The following PSMD11 variants were observed in gnomAD, a reference collection of about 807,000 sequenced individuals.
PSMD11 encodes 26S proteasome non-ATPase regulatory subunit 11.
PSMD11 carries 5 observed loss-of-function variants against 62.3 expected under a neutral mutation model. That is an observed-to-expected ratio of 0.08 (90% CI 0.04 to 0.17). The LOEUF is 0.17. Ranked by LOEUF, PSMD11 falls within the 10% of genes least tolerant of loss-of-function variation. PSMD11 has a pLI of 1.00. For synonymous variants in PSMD11, 191 were observed against 191.8 expected (o/e 1.00, Z 0.03); for missense variants, 310 against 512.9 (o/e 0.60, Z 3.82).
Position 32,480,651 on chromosome 17 carries a change from C to G in PSMD11, c.*20C>G. 6.2e-7 allele frequency: 1 copy of G among 1,613,492 alleles called. No homozygotes were observed. Among genetic ancestry groups the G allele is most frequent in the Non-Finnish European group, 8.5e-7 (1 of 1,179,534 alleles). ...ACATAGGTGAGTGCTGGCTTCAGGA[C>G]CCCAGGGCTGGGCAGCTCTGTCTTC... On this transcript the variant is annotated intron_variant, in intron 13 of 13. Transcript: ENST00000261712.
chr17:32,462,780 A>G (rs181782122), intron 3 of PSMD11, among the ~76,000 whole-genome samples: 2 of 152,200 alleles, frequency 1.3e-5, no homozygotes, highest in East Asian at 3.9e-4. Flanking sequence ...TCCACCTCCC[A>G]GGTTCAAGGG....
intron 2 of PSMD11, among the ~76,000 whole-genome samples, chr17:32,452,690 T>C (rs577557142): frequency 6.6e-6 from 1 of 152,220 alleles, no homozygotes; most frequent in Non-Finnish European, 1.5e-5. Flanking sequence ...ATGGGCTCAG[T>C]CTGAACAAAG....
At chr17:32,447,108 T>A in intron 2 of PSMD11, 62 bp downstream of exon 2, 1 of 1,314,664 alleles carries the variant, frequency 7.6e-7, no homozygotes, top group African/African-American at 1.5e-5. Context: ...TTTGTTGGAG[T>A]GAAGAATCAT....
At position 32,482,238 on chromosome 17, in the gene PSMD11, A is replaced by G. The variant is rs980041371; in HGVS notation, c.*1486A>G. On this transcript the variant is annotated 3_prime_UTR_variant, in exon 14 of 14. Transcript: ENST00000261712. The stretch of plus-strand genomic sequence containing the variant: ...CTCCAAAATCAGGTTTTTGTTCTCA[A>G]CATCTTTCCCCATCATGTCTAGTCA... 5 of 152,176 alleles carry G rather than the reference A, an allele frequency of 3.3e-5. No individual in the cohort carries two copies. The highest frequency in any genetic ancestry group is 4.2e-4 in the South Asian group (2 of 4,816). The allele number at this position is 152,176 out of a possible 1,614,324, so 9.4% of individuals were successfully genotyped here. A position where few individuals can be genotyped will look rare whatever the true frequency, so the allele number is the denominator to read the frequency against.
chr17:32,464,402 A>G, intron 4 of PSMD11, 119 bp from the exon 5 acceptor site: 2 of 836,380 alleles, frequency 2.4e-6, no homozygotes, highest in Middle Eastern at 2.3e-4. Context: ...CTTATGCTGA[A>G]TTTGATGCTA....
At chr17:32,454,718 A>G (rs1331690184) in intron 3 of PSMD11, 99 bp downstream of exon 3, 2 of 1,320,482 alleles carry the variant, frequency 1.5e-6, no homozygotes, top group African/African-American at 1.5e-5. Context: ...TGGAAGGGAA[A>G]ACTGGGAGGA....
chr17:32,456,015 G>A (rs1364597061), intron 3 of PSMD11, among the ~76,000 whole-genome samples: 1 of 151,668 alleles, frequency 6.6e-6, no homozygotes, highest in Non-Finnish European at 1.5e-5. Flanking sequence ...GTGGTGGTGG[G>A]CGCCTGTAGT....
chr17:32,480,045 T>G (rs1908443035), intron 11 of PSMD11, 101 bp from the exon 12 acceptor site: 2 of 1,500,482 alleles, frequency 1.3e-6, no homozygotes, highest in Non-Finnish European at 1.9e-6. Flanking sequence ...CTATTTTGTT[T>G]TCAGTCCATT....
intron 2 of PSMD11, among the ~76,000 whole-genome samples, chr17:32,447,631 G>A (rs977716932): frequency 6.6e-6 from 1 of 152,144 alleles, no homozygotes; most frequent in Non-Finnish European, 1.5e-5. Context: ...AATGAGAAGG[G>A]AGTCCTTTTG....
At position 32,474,752 on chromosome 17, in the gene PSMD11, C is replaced by CT. The variant is rs755359309; in HGVS notation, c.789-5dup. On this transcript the variant is annotated splice_polypyrimidine_tract_variant and intron_variant, in intron 7 of 13. Transcript: ENST00000261712. ...ATCTGCAGCAATTGACCAAGTATGT[C>CT]TTTTTTTCTAGCCCAGAAGATGTCC... 5.6e-6 allele frequency: 9 copies of CT among 1,613,726 alleles called. No individual in the cohort carries two copies. The African/African-American group carries it at 8.0e-5, about 14-fold the overall frequency.
In PSMD11 at chr17:32,480,209, T is replaced by G; in HGVS notation, c.1126+12T>G. On this transcript the variant is annotated intron_variant, in intron 12 of 13. Coordinates refer to ENST00000261712, the MANE Select transcript of PSMD11 (RefSeq NM_002815.4). ...CAAGAAATTTCATGGTAAGTAACAG[T>G]CACACAGGCAAGGGGGCTGGTGGTG... The G allele has an allele frequency of 6.2e-7, 1 of 1,609,828 alleles. No individual in the cohort carries two copies. Among genetic ancestry groups the G allele is most frequent in the Non-Finnish European group, 8.5e-7 (1 of 1,176,084 alleles).
At chr17:32,473,277 C>T (rs1368416985) in intron 6 of PSMD11, among the ~76,000 whole-genome samples, 1 of 151,160 alleles carries the variant, frequency 6.6e-6, no homozygotes, top group African/African-American at 2.4e-5. Context: ...AACCCCTGCA[C>T]CTGGCTTTTT....
At chr17:32,462,262 G>C (rs893278961) in intron 3 of PSMD11, among the ~76,000 whole-genome samples, 2 of 152,186 alleles carry the variant, frequency 1.3e-5, no homozygotes, top group Middle Eastern at 6.8e-3. Context: ...ACTGTGGGGG[G>C]CACTTCTTAC....
chr17:32,447,110 A>T, intron 2 of PSMD11, 64 bp downstream of exon 2: 14 of 1,322,750 alleles, frequency 1.1e-5, no homozygotes, highest in Non-Finnish European at 1.5e-5. Context: ...TGTTGGAGTG[A>T]AGAATCATGG....
chr17:32,466,663 G>A (rs987759895), intron 5 of PSMD11, among the ~76,000 whole-genome samples: 31 of 152,146 alleles, frequency 2.0e-4, no homozygotes, highest in African/African-American at 6.8e-4. Context: ...TATATACCTA[G>A]AAGTGGAATT....
At chr17:32,477,713 A>C in intron 9 of PSMD11, 130 bp downstream of exon 9, 2 of 704,640 alleles carry the variant, frequency 2.8e-6, no homozygotes, top group Non-Finnish European at 4.5e-6. Flanking sequence ...TCCTTCACCT[A>C]GGACAGTATT....
intron 9 of PSMD11, 93 bp from the exon 10 acceptor site, chr17:32,479,158 T>G: frequency 6.7e-7 from 1 of 1,493,236 alleles, no homozygotes; most frequent in Non-Finnish European, 9.0e-7. Flanking sequence ...ACCATGTAGT[T>G]TTATAAGGGC....
At chr17:32,476,424 T>C (rs558329308) in intron 8 of PSMD11, among the ~76,000 whole-genome samples, 1 of 152,312 alleles carries the variant, frequency 6.6e-6, no homozygotes, top group South Asian at 2.1e-4. Flanking sequence ...TCCAGGCTTT[T>C]CTCATTTTGA....
chr17:32,462,690 CTTTTCTTTTTTTT>C (rs917669589), intron 3 of PSMD11, among the ~76,000 whole-genome samples: 1 of 152,034 alleles, frequency 6.6e-6, no homozygotes, highest in Admixed American at 6.6e-5. Flanking sequence ...CATTTCTTTT[CTTTTCTTTTTTTT>C]GAGACGGAGT....
Sources: allele counts gnomAD v4.1 joint callset (sites outside exome capture counted in the v4.1 genomes callset), GRCh38; gene constraint gnomAD v4.1.1; transcripts MANE v1.5; gene names NCBI Gene and HGNC (gene_info 2026-07-23, HGNC 2026-07-21).